The following THRAP3 variants were observed in gnomAD, a reference collection of about 807,000 sequenced individuals.
THRAP3 encodes the protein thyroid hormone receptor-associated protein 3.
A neutral mutation model predicts 101.0 loss-of-function variants in THRAP3; 16 were observed. The observed-to-expected ratio is 0.16, with a 90% CI of 0.11 to 0.24. The LOEUF is 0.24. THRAP3 is among the 10% of genes least tolerant of loss of function. The pLI, the probability that THRAP3 is intolerant of heterozygous loss-of-function variation, is 1.00. For missense variants in THRAP3, 989 were observed against 1,202.7 expected, an observed-to-expected ratio of 0.82 and a Z score of 2.63; for synonymous variants, 407 against 422.6, an observed-to-expected ratio of 0.96 and a Z score of 0.45.
At chr1:36,282,414 T>G (rs1645744198) in intron 2 of THRAP3, 119 bp from the exon 3 acceptor site, 5 of 636,028 alleles carry the variant, frequency 7.9e-6, no homozygotes, top group Admixed American at 6.9e-5. Context: ...TTTTTTTTTG[T>G]AGATATGGGG....
At chr1:36,238,087 C>A (rs911201514) in intron 1 of THRAP3, among the ~76,000 whole-genome samples, 1 of 152,080 alleles carries the variant, frequency 6.6e-6, no homozygotes, top group Non-Finnish European at 1.5e-5. Context: ...CTCATCTCGG[C>A]CTCCCAAAGT....
At chr1:36,214,055 AAAGAAAG>A in the THRAP3 span, among the ~76,000 whole-genome samples, 2 of 125,636 alleles carry the variant, frequency 1.6e-5, no homozygotes, top group African/African-American at 6.6e-5. Context: ...AGAAAGAAAG[AAAGAAAG>A]AAAGACAACT....
Position 36,282,626 on chromosome 1 carries a change from A to T in THRAP3, c.63A>T (p.Arg21Ser). 2 of 1,613,984 alleles carry T rather than the reference A, an allele frequency of 1.2e-6. No individual in the cohort carries two copies. The highest frequency in any genetic ancestry group is 2.2e-5 in the South Asian group (2 of 91,070). The change falls in exon 3 of 12, where the codon AGA (arginine) becomes AGT (serine). Residue 21 changes from arginine to serine, a missense_variant. Arg to Ser is a moderately radical substitution (Grantham distance 110). Transcript: ENST00000354618. ...SRSSRSRSAS[R>S]SRSRSFSKSR... ...CTTCTCGCTCAAGATCTGCATCAAG[A>T]TCTCGTTCTCGTTCATTTTCGAAGT...
At chr1:36,258,714 C>T (rs571848800) in intron 1 of THRAP3, among the ~76,000 whole-genome samples, 2 of 152,284 alleles carry the variant, frequency 1.3e-5, no homozygotes, top group African/African-American at 4.8e-5. Context: ...CTCCTGACCT[C>T]GTGATCCGCC....
intron 1 of THRAP3, chr1:36,225,107 A>G (rs1570209971): frequency 6.6e-6 from 1 of 152,170 alleles, no homozygotes; most frequent in Non-Finnish European, 1.5e-5. Flanking sequence ...TATGAGGTGA[A>G]TTATTTTGCT....
intron 9 of THRAP3, among the ~76,000 whole-genome samples, chr1:36,298,834 C>T (rs1032039612): frequency 3.3e-5 from 5 of 152,120 alleles, no homozygotes; most frequent in Non-Finnish European, 7.4e-5. Flanking sequence ...TGCTGTGTCG[C>T]CCAGGCTGGA....
At chr1:36,227,958 C>T (rs1190949093) in intron 1 of THRAP3, among the ~76,000 whole-genome samples, 1 of 152,054 alleles carries the variant, frequency 6.6e-6, no homozygotes, top group African/African-American at 2.4e-5. Context: ...TCACTGCATC[C>T]ACCGCCTCCT....
intron 2 of THRAP3, among the ~76,000 whole-genome samples, chr1:36,278,474 A>G (rs1195579702): frequency 6.6e-6 from 1 of 152,192 alleles, no homozygotes; most frequent in Non-Finnish European, 1.5e-5. Flanking sequence ...CTGCTTGGTA[A>G]TTAGACAAGT....
chr1:36,232,089 G>A (rs1268009518), intron 1 of THRAP3, among the ~76,000 whole-genome samples: 3 of 152,016 alleles, frequency 2.0e-5, no homozygotes, highest in South Asian at 2.1e-4. Context: ...GGTGGTGTGC[G>A]CCTGTAATCT....
At chr1:36,276,376 T>C (rs2124559520) in intron 2 of THRAP3, among the ~76,000 whole-genome samples, 1 of 151,322 alleles carries the variant, frequency 6.6e-6, no homozygotes, top group Admixed American at 6.6e-5. Context: ...TACAAAAAAT[T>C]AGCCAGCTGT....
At chr1:36,218,614 C>T in the THRAP3 span, among the ~76,000 whole-genome samples, 8 of 150,870 alleles carry the variant, frequency 5.3e-5, no homozygotes, top group South Asian at 1.0e-3. Context: ...CCTAGCTACT[C>T]GGGAGGCTGA....
In THRAP3 at chr1:36,287,201, CTGGCTCCACATA is replaced by C; in HGVS notation, c.978_989del (p.Thr327_Ser330del). Reference sequence around the variant, plus strand: ...CCTGTGGGTAAGAGTCCACCATCCACTGGCTCCACATATGGCTCATCTCAGAAGGAGGAGAGT... The same window carrying C: ...CCTGTGGGTAAGAGTCCACCATCCACTGGCTCATCTCAGAAGGAGGAGAGT... On this transcript the variant is annotated inframe_deletion, in exon 4 of 12. Coordinates refer to ENST00000354618, the MANE Select transcript of THRAP3 (RefSeq NM_005119.4). 1 of 1,614,194 alleles carries C rather than the reference CTGGCTCCACATA, an allele frequency of 6.2e-7. No homozygotes were observed. The highest frequency in any genetic ancestry group is 8.5e-7 in the Non-Finnish European group (1 of 1,180,026).
At chr1:36,295,954 C>CCT (rs1645944059) in intron 8 of THRAP3, among the ~76,000 whole-genome samples, 1 of 60,488 alleles carries the variant, frequency 1.7e-5, no homozygotes, top group Non-Finnish European at 2.8e-5. Context: ...GCCTTCTCAA[C>CCT]TTTTTTTTTT....
At chr1:36,214,367 C>T in the THRAP3 span, among the ~76,000 whole-genome samples, 1,128 of 152,326 alleles carry the variant, frequency 7.4e-3, 9 homozygotes, top group African/African-American at 0.026. Context: ...GTCACCAAGA[C>T]CAGTAGATAT....
intron 1 of THRAP3, among the ~76,000 whole-genome samples, chr1:36,251,893 C>G (rs1200345295): frequency 6.6e-6 from 1 of 152,174 alleles, no homozygotes. Context: ...TCCGGGGTCT[C>G]ACAACTAGTA....
chr1:36,234,047 T>C (rs865938330), intron 1 of THRAP3, among the ~76,000 whole-genome samples: 1 of 152,070 alleles, frequency 6.6e-6, no homozygotes, highest in African/African-American at 2.4e-5. Context: ...CCTGGACCTC[T>C]TGGGCCCAGG....
intron 9 of THRAP3, among the ~76,000 whole-genome samples, chr1:36,297,384 GC>G (rs1337201768): frequency 6.6e-6 from 1 of 151,698 alleles, no homozygotes; most frequent in Non-Finnish European, 1.5e-5. Flanking sequence ...CACAGTTGAA[GC>G]CCCATACCTT....
intron 1 of THRAP3, among the ~76,000 whole-genome samples, chr1:36,258,985 C>CTTTA (rs1645410365): frequency 6.6e-6 from 1 of 152,178 alleles, no homozygotes; most frequent in African/African-American, 2.4e-5. Context: ...CGGAGAGTTA[C>CTTTA]TTTACCTTGA....
chr1:36,289,447 T>A lies in THRAP3; in HGVS notation c.1428T>A (p.Tyr476Ter). ...EKSGKWEGLV[Y>*]APPGKEKQRK... ...CAGGCAAATGGGAGGGCCTGGTATA[T>A]GCACCTCCAGGGAAGGAAAAGCAGA... Residue 476 changes from tyrosine (Y) to a stop codon, truncating the protein, a stop_gained, in exon 5 of 12, where the codon TAT becomes TAA. Coordinates refer to ENST00000354618, the MANE Select transcript of THRAP3 (RefSeq NM_005119.4). LOFTEE classifies it high-confidence loss of function. 6.2e-7 allele frequency: 1 copy of A among 1,614,168 alleles called. No individual in the cohort carries two copies. Among genetic ancestry groups the A allele is most frequent in the Non-Finnish European group, 8.5e-7 (1 of 1,180,024 alleles).
Sources: allele counts gnomAD v4.1 joint callset (sites outside exome capture counted in the v4.1 genomes callset), GRCh38; gene constraint gnomAD v4.1.1; transcripts MANE v1.5; gene names NCBI Gene and HGNC (gene_info 2026-07-23, HGNC 2026-07-21).